ACYP2: variants seen among roughly 807,000 people sequenced by gnomAD.
ACYP2 encodes acylphosphatase-2.
A neutral mutation model predicts 11.2 loss-of-function variants in ACYP2; 12 were observed. The ratio of observed to expected loss-of-function variants is 1.08; its 90% CI spans 0.69 to 1.74. The LOEUF (loss-of-function observed/expected upper bound fraction) is 1.74. Ranked by LOEUF, ACYP2 falls within the 40% of genes most tolerant of loss-of-function variation. The probability of loss-of-function intolerance (pLI) is 0.00; values close to 1 mark genes in which losing one functional copy is unlikely to be tolerated. For synonymous variants in ACYP2, 43 were observed against 32.2 expected (o/e 1.33, Z -1.13); for missense variants, 134 against 101.9 (o/e 1.31, Z -1.35).
chr2:54,057,962 T>G (rs2103626253), intron 4 of ACYP2, among the ~76,000 whole-genome samples: 1 of 152,316 alleles, frequency 6.6e-6, no homozygotes, highest in East Asian at 1.9e-4. Context: ...AACAAATATT[T>G]TAAATTCATA....
chr2:54,031,839 C>T (rs1413889731), intron 2 of ACYP2, among the ~76,000 whole-genome samples: 1 of 152,192 alleles, frequency 6.6e-6, no homozygotes, highest in Non-Finnish European at 1.5e-5. Flanking sequence ...GAGATGGTTT[C>T]TCACTGTGGT....
chr2:53,981,615 G>C (rs1337901652), intron 2 of ACYP2, among the ~76,000 whole-genome samples: 1 of 152,200 alleles, frequency 6.6e-6, no homozygotes, highest in Non-Finnish European at 1.5e-5. Context: ...GGGGAGGGGG[G>C]TTGCAAAGGG....
chr2:54,178,871 C>A (rs1461714895), intron 6 of ACYP2, among the ~76,000 whole-genome samples: 3 of 152,052 alleles, frequency 2.0e-5, no homozygotes, highest in East Asian at 3.9e-4. Flanking sequence ...ATTCAGTGAC[C>A]CTTTGTGAGA....
chr2:54,008,059 T>C (rs1386604210), intron 2 of ACYP2, among the ~76,000 whole-genome samples: 1 of 152,204 alleles, frequency 6.6e-6, no homozygotes, highest in Non-Finnish European at 1.5e-5. Context: ...AGAATTTCTC[T>C]TACTGTCGTA....
rs949165644 is a variant in ACYP2, at chr2:54,165,539, A to T, written c.404+26791A>T. ...CACTCTCTCTCTCTCTCTCTCTCAC[A>T]CACACACACACACACACACACACAC... On this transcript the variant is annotated intron_variant, in intron 6 of 6. Coordinates refer to ENST00000607452, the MANE Select transcript of ACYP2 (RefSeq NM_001320586.2). 1.8e-3 allele frequency among the ~76,000 whole-genome samples: 244 copies of T among 136,326 alleles called. 1 individual carries two copies. The highest frequency in any genetic ancestry group is 0.013 in the Middle Eastern group (3 of 236). 89.4% of individuals were successfully genotyped at this position (136,326 alleles called of 152,430 possible).
At chr2:54,264,529 A>G (rs1433516810) in intron 6 of ACYP2, among the ~76,000 whole-genome samples, 1 of 152,222 alleles carries the variant, frequency 6.6e-6, no homozygotes, top group African/African-American at 2.4e-5. Flanking sequence ...GAGACTAGCC[A>G]GGAAGGGCGG....
At chr2:54,032,845 T>G (rs915281932) in intron 2 of ACYP2, among the ~76,000 whole-genome samples, 1 of 152,094 alleles carries the variant, frequency 6.6e-6, no homozygotes, top group Non-Finnish European at 1.5e-5. Flanking sequence ...TGGAAGGAGA[T>G]TCCATGCTCG....
At chr2:54,135,297 A>G (rs1681155362) in intron 4 of ACYP2, among the ~76,000 whole-genome samples, 156 bp from the exon 2 acceptor site, 1 of 152,194 alleles carries the variant, frequency 6.6e-6, no homozygotes, top group African/African-American at 2.4e-5. Context: ...TTTAAATTTA[A>G]TATTGTAGGA....
chr2:54,178,458 A>G (rs1404768989), intron 6 of ACYP2, among the ~76,000 whole-genome samples: 9 of 152,190 alleles, frequency 5.9e-5, no homozygotes, highest in Admixed American at 5.2e-4. Flanking sequence ...TGGGCTGGCT[A>G]TACTCTGTAG....
At chr2:54,025,056 A>G (rs1674206332) in intron 2 of ACYP2, among the ~76,000 whole-genome samples, 1 of 152,174 alleles carries the variant, frequency 6.6e-6, no homozygotes, top group South Asian at 2.1e-4. Flanking sequence ...AAAGACCTCT[A>G]CAAGGAAAAC....
chr2:54,015,521 G>C (rs2104540900), intron 2 of ACYP2, among the ~76,000 whole-genome samples: 1 of 151,924 alleles, frequency 6.6e-6, no homozygotes, highest in African/African-American at 2.4e-5. Flanking sequence ...ATGGTGGTGT[G>C]TGCCTGTAGT....
intron 3 of ACYP2, chr2:54,051,199 A>G: frequency 1.3e-6 from 1 of 759,104 alleles, no homozygotes; most frequent in Non-Finnish European, 2.3e-6. Flanking sequence ...CTGAGGAAAA[A>G]TAACTAAAAA....
At chr2:54,258,108 G>A (rs1687634817) in intron 6 of ACYP2, among the ~76,000 whole-genome samples, 1 of 152,046 alleles carries the variant, frequency 6.6e-6, no homozygotes, top group African/African-American at 2.4e-5. Context: ...CTTCCCTCTT[G>A]GGGTTTACAT....
intron 6 of ACYP2, among the ~76,000 whole-genome samples, chr2:54,252,507 T>A (rs890189952): frequency 2.0e-5 from 3 of 152,202 alleles, no homozygotes; most frequent in Non-Finnish European, 1.5e-5. Context: ...AAACAGTATA[T>A]GGGCCTTTTG....
intron 6 of ACYP2, among the ~76,000 whole-genome samples, chr2:54,181,740 A>G (rs918604938): frequency 6.6e-6 from 1 of 152,200 alleles, no homozygotes; most frequent in African/African-American, 2.4e-5. Flanking sequence ...AATAAACAGT[A>G]TCCCTGCCTG....
At chr2:54,081,002 C>A (rs933958617) in intron 4 of ACYP2, among the ~76,000 whole-genome samples, 1 of 152,120 alleles carries the variant, frequency 6.6e-6, no homozygotes, top group Non-Finnish European at 1.5e-5. Flanking sequence ...TTTGAGAAAA[C>A]CTCTATCATG....
At chr2:53,999,459 T>C (rs1558462299) in intron 2 of ACYP2, among the ~76,000 whole-genome samples, 1 of 152,138 alleles carries the variant, frequency 6.6e-6, no homozygotes. Flanking sequence ...AGAGAGGAAC[T>C]TCATGGGCTC....
intron 2 of ACYP2, among the ~76,000 whole-genome samples, chr2:53,995,848 A>T (rs998605814): frequency 6.6e-6 from 1 of 151,938 alleles, no homozygotes; most frequent in Non-Finnish European, 1.5e-5. Flanking sequence ...AAGACCCACA[A>T]TGGGCTGGGC....
Position 54,256,302 on chromosome 2 carries a change from T to C in ACYP2, c.405-48386T>C, listed in dbSNP as rs373241984. On this transcript the variant is annotated intron_variant, in intron 6 of 6. Transcript: ENST00000607452. ...CACCCACCCCTCAGTCTCGCGACAC[T>C]CACTCCTCAGTCTCGCGAGTCTGTG... 101 of 797,176 alleles carry C rather than the reference T, an allele frequency of 1.3e-4. No homozygotes were observed. The African/African-American group carries it at 1.4e-3, about 11-fold the overall frequency. 49.4% of individuals were successfully genotyped at this position (797,176 alleles called of 1,614,324 possible).
Sources: allele counts gnomAD v4.1 joint callset (sites outside exome capture counted in the v4.1 genomes callset), GRCh38; gene constraint gnomAD v4.1.1; transcripts MANE v1.5; gene names NCBI Gene and HGNC (gene_info 2026-07-23, HGNC 2026-07-21).